RAD18: variants seen among roughly 807,000 people sequenced by gnomAD.
The protein encoded by RAD18 is E3 ubiquitin-protein ligase RAD18.
A neutral mutation model predicts 60.4 loss-of-function variants in RAD18; 47 were observed. That is an observed-to-expected ratio of 0.78 (90% CI 0.62 to 0.99). The LOEUF (loss-of-function observed/expected upper bound fraction) is 0.99, where lower values mean the gene tolerates loss of function less well. Ranked by LOEUF, RAD18 falls within the 50% of genes least tolerant of loss-of-function variation. The pLI is 0.00. For synonymous variants in RAD18, 225 were observed against 195.5 expected (o/e 1.15, Z -1.26); for missense variants, 640 against 593.3 (o/e 1.08, Z -0.82).
At position 8,898,918 on chromosome 3, in the gene RAD18, GAAGA is replaced by G; in HGVS notation, c.1294_1297del (p.Ser432HisfsTer15). The G allele has an allele frequency of 6.3e-7, 1 of 1,597,056 alleles. No individual in the cohort carries two copies. The highest frequency in any genetic ancestry group is 2.2e-5 in the East Asian group (1 of 44,564). On this transcript the variant is annotated frameshift_variant, in exon 11 of 13. Coordinates refer to ENST00000264926, the MANE Select transcript of RAD18 (RefSeq NM_020165.4). LOFTEE classifies it high-confidence loss of function. ...CCTATTGCATGAATCTGATTCTGAT[GAAGA>G]AAGAACTTCTTGAATATCAATACAG...
intron 4 of RAD18, among the ~76,000 whole-genome samples, chr3:8,943,261 T>C (rs557608930): frequency 1.6e-4 from 24 of 151,088 alleles, no homozygotes; most frequent in African/African-American, 4.6e-4. Flanking sequence ...AAATATTCAA[T>C]AGAAGCAGAC....
At chr3:8,891,412 T>C (rs868378283) in intron 11 of RAD18, among the ~76,000 whole-genome samples, 1 of 152,126 alleles carries the variant, frequency 6.6e-6, no homozygotes, top group African/African-American at 2.4e-5. Flanking sequence ...ACTAACCTAG[T>C]AGAGTCTGTG....
At chr3:8,898,071 CAA>C (rs1260990877) in intron 11 of RAD18, among the ~76,000 whole-genome samples, 1 of 150,060 alleles carries the variant, frequency 6.7e-6, no homozygotes, top group Non-Finnish European at 1.5e-5. Flanking sequence ...GACTCCGTCT[CAA>C]AAAAATGAAA....
At chr3:8,927,742 G>A (rs1940468010) in intron 7 of RAD18, among the ~76,000 whole-genome samples, 1 of 152,158 alleles carries the variant, frequency 6.6e-6, no homozygotes, top group African/African-American at 2.4e-5. Flanking sequence ...AAAAAATGAT[G>A]AGTTCATGTC....
intron 11 of RAD18, among the ~76,000 whole-genome samples, chr3:8,891,248 C>T (rs989938349): frequency 6.6e-6 from 1 of 151,952 alleles, no homozygotes; most frequent in Non-Finnish European, 1.5e-5. Flanking sequence ...GTTCTGGGGC[C>T]TGGCAGGGGT....
chr3:8,959,279 A>G (rs1255389454), intron 1 of RAD18, among the ~76,000 whole-genome samples: 1 of 152,236 alleles, frequency 6.6e-6, no homozygotes, highest in Non-Finnish European at 1.5e-5. Flanking sequence ...ATCCCTTCAC[A>G]TAAGGGCTAC....
intron 12 of RAD18, among the ~76,000 whole-genome samples, chr3:8,886,029 T>A (rs934806913): frequency 6.6e-6 from 1 of 152,228 alleles, no homozygotes; most frequent in African/African-American, 2.4e-5. Context: ...TTAGTCAGCA[T>A]CTGGCAGTTG....
intron 7 of RAD18, among the ~76,000 whole-genome samples, chr3:8,913,989 T>A (rs570946783): frequency 1.3e-5 from 2 of 152,334 alleles, no homozygotes; most frequent in Non-Finnish European, 2.9e-5. Context: ...CTTTCTCCTT[T>A]GAATATACAG....
At chr3:8,951,786 C>T (rs1940929655) in intron 2 of RAD18, among the ~76,000 whole-genome samples, 1 of 152,168 alleles carries the variant, frequency 6.6e-6, no homozygotes, top group South Asian at 2.1e-4. Flanking sequence ...AACAAAATAC[C>T]ACAGACTGGG....
chr3:8,953,856 T>C (rs1390407712), intron 2 of RAD18, among the ~76,000 whole-genome samples: 1 of 151,994 alleles, frequency 6.6e-6, no homozygotes, highest in Non-Finnish European at 1.5e-5. Flanking sequence ...TCAAAAAAAA[T>C]TAATCAAAGC....
intron 12 of RAD18, among the ~76,000 whole-genome samples, chr3:8,882,900 G>A (rs141560216): frequency 1.0e-3 from 156 of 152,110 alleles, no homozygotes; most frequent in Non-Finnish European, 2.0e-3. Context: ...AAACACTATC[G>A]ACCTCAGTCC....
chr3:8,928,049 T>TAAAAAAAAAA (rs58756851), intron 7 of RAD18, among the ~76,000 whole-genome samples: 1 of 121,734 alleles, frequency 8.2e-6, no homozygotes, highest in African/African-American at 2.8e-5. Context: ...CCCTAAAACT[T>TAAAAAAAAAA]AAAAAAAAAA....
At chr3:8,889,517 G>T (rs141244228) in intron 12 of RAD18, among the ~76,000 whole-genome samples, 70 of 152,266 alleles carry the variant, frequency 4.6e-4, no homozygotes, top group African/African-American at 1.5e-3. Context: ...AGTGCTGTAA[G>T]CGCCTACTGT....
chr3:8,932,125 T>C (rs1047177285), intron 7 of RAD18, among the ~76,000 whole-genome samples: 4 of 152,134 alleles, frequency 2.6e-5, no homozygotes, highest in African/African-American at 7.2e-5. Flanking sequence ...CACAATTGTA[T>C]ACATAAAAAA....
At chr3:8,929,798 C>A (rs1003592439) in intron 7 of RAD18, among the ~76,000 whole-genome samples, 1 of 152,172 alleles carries the variant, frequency 6.6e-6, no homozygotes, top group Non-Finnish European at 1.5e-5. Flanking sequence ...CCTGCCACCA[C>A]GCCCAGCTAA....
intron 6 of RAD18, among the ~76,000 whole-genome samples, chr3:8,938,582 C>T (rs1024470721): frequency 6.6e-6 from 1 of 152,074 alleles, no homozygotes; most frequent in East Asian, 1.9e-4. Flanking sequence ...ATTATCTTGC[C>T]CTTGCCTCCT....
chr3:8,902,732 T>C (rs932877052), intron 9 of RAD18, among the ~76,000 whole-genome samples: 9 of 151,602 alleles, frequency 5.9e-5, no homozygotes, highest in African/African-American at 2.2e-4. Context: ...CTACTAAAAA[T>C]ACAAAAAAAA....
At chr3:8,901,088 A>G (rs1257939803) in intron 10 of RAD18, among the ~76,000 whole-genome samples, 2 of 152,232 alleles carry the variant, frequency 1.3e-5, no homozygotes, top group African/African-American at 4.8e-5. Context: ...CAAATTGTTT[A>G]TTAGTCACTA....
intron 7 of RAD18, among the ~76,000 whole-genome samples, chr3:8,916,162 C>T (rs1940197008): frequency 6.6e-6 from 1 of 152,194 alleles, no homozygotes; most frequent in Non-Finnish European, 1.5e-5. Context: ...AAAACCCCCT[C>T]TACCCTTCAG....
Sources: gnomAD v4.1 joint callset for allele counts (sites outside exome capture counted in the v4.1 genomes callset) on GRCh38, gnomAD v4.1.1 for gene constraint, MANE v1.5 for transcripts, NCBI Gene and HGNC (gene_info 2026-07-23, HGNC 2026-07-21) for gene names.